ATG14: variants seen among roughly 807,000 people sequenced by gnomAD.
ATG14 encodes autophagy related 14, also known as beclin 1-associated autophagy-related key regulator.
ATG14 carries 35 observed loss-of-function variants against 60.4 expected under a neutral mutation model. The observed-to-expected ratio is 0.58, with a 90% CI of 0.44 to 0.77. The LOEUF is 0.77. ATG14 is among the 30% of genes least tolerant of loss of function. The pLI is 0.00. For synonymous variants in ATG14, 234 were observed against 228.8 expected (o/e 1.02, Z -0.21); for missense variants, 647 against 626.3 (o/e 1.03, Z -0.35).
chr14:55,383,066 C>G (rs1295608243), intron 5 of ATG14, among the ~76,000 whole-genome samples: 1 of 152,108 alleles, frequency 6.6e-6, no homozygotes, highest in East Asian at 1.9e-4. Context: ...ACAAAAAGAG[C>G]AGCTAGTTCA....
intron 1 of ATG14, among the ~76,000 whole-genome samples, chr14:55,401,833 A>C (rs1360060230): frequency 1.3e-5 from 2 of 152,170 alleles, no homozygotes; most frequent in Non-Finnish European, 2.9e-5. Flanking sequence ...CCAAGCTGAG[A>C]CCTGAGGGTG....
chr14:55,391,052 C>A, intron 3 of ATG14, 60 bp from the exon 4 acceptor site: 1 of 1,135,652 alleles, frequency 8.8e-7, no homozygotes, highest in Non-Finnish European at 1.3e-6. Flanking sequence ...ATATGATTAT[C>A]TACCTGGGAT....
At chr14:55,391,737 A>G (rs1053762361) in intron 3 of ATG14, among the ~76,000 whole-genome samples, 6 of 152,186 alleles carry the variant, frequency 3.9e-5, no homozygotes, top group African/African-American at 1.4e-4. Flanking sequence ...GCAGATACAG[A>G]ACTCAAGCAT....
chr14:55,386,153 C>G (rs1885122910), intron 4 of ATG14, 57 bp from the exon 5 acceptor site: 1 of 1,399,402 alleles, frequency 7.1e-7, no homozygotes, highest in African/African-American at 1.4e-5. Context: ...CTGTGTACTG[C>G]AGAGCTCCAC....
At chr14:55,377,583 A>C (rs920192555) in intron 9 of ATG14, among the ~76,000 whole-genome samples, 2 of 152,190 alleles carry the variant, frequency 1.3e-5, no homozygotes, top group Admixed American at 1.3e-4. Context: ...GGGTTCTTCA[A>C]CTGCGCTTCA....
At position 55,382,194 on chromosome 14, in the gene ATG14, A is replaced by C; in HGVS notation, c.648-3T>G. 1 of 1,613,966 alleles carries C rather than the reference A, an allele frequency of 6.2e-7. No homozygotes were observed. The highest frequency in any genetic ancestry group is 8.5e-7 in the Non-Finnish European group (1 of 1,179,842). On this transcript the variant is annotated splice_polypyrimidine_tract_variant and splice_region_variant and intron_variant, in intron 5 of 9. Transcript: ENST00000247178. ...CTGAAGACACATCTGCGGGGTCTCT[A>C]CAAGTAGGAAGACACACACGGATTT...
chr14:55,385,971 T>C lies in ATG14; in HGVS notation c.535A>G (p.Lys179Glu). ...TAATGACTTCTTAAGTCAATGGTCT[T>C]TTTTTCTACCAGGTCACCAAGTTTG... ...NRKLGDLVEK[K>E]TIDLRSHYER... Residue 179 changes from lysine (K) to glutamate (E), a missense_variant, in exon 5 of 10, where the codon AAG becomes GAG. Lys to Glu is a moderately conservative substitution (Grantham distance 56, BLOSUM62 1). Transcript: ENST00000247178. 6.2e-7 allele frequency: 1 copy of C among 1,614,162 alleles called. No individual in the cohort carries two copies. The highest frequency in any genetic ancestry group is 8.5e-7 in the Non-Finnish European group (1 of 1,180,036).
chr14:55,380,828 C>T, intron 6 of ATG14, 138 bp from the exon 7 acceptor site: 1 of 324,362 alleles, frequency 3.1e-6, no homozygotes, highest in Admixed American at 4.8e-5. Flanking sequence ...GCTCCATGAC[C>T]AGACATAAAT....
At chr14:55,390,363 G>C (rs868015798) in intron 4 of ATG14, among the ~76,000 whole-genome samples, 1 of 151,796 alleles carries the variant, frequency 6.6e-6, no homozygotes, top group Non-Finnish European at 1.5e-5. Flanking sequence ...AAGCCACCGT[G>C]CCTGGCCAAC....
chr14:55,411,011 A>C (rs1409179654), intron 1 of ATG14, among the ~76,000 whole-genome samples: 2 of 152,238 alleles, frequency 1.3e-5, no homozygotes, highest in Non-Finnish European at 2.9e-5. Context: ...ATTTTAAAAC[A>C]AGGCCAAAAC....
chr14:55,374,668 A>C (rs554563071), intron 9 of ATG14, among the ~76,000 whole-genome samples: 1 of 152,274 alleles, frequency 6.6e-6, no homozygotes, highest in South Asian at 2.1e-4. Context: ...TTTTTAAATA[A>C]GGTTTTTTAT....
intron 1 of ATG14, among the ~76,000 whole-genome samples, chr14:55,411,216 T>C (rs1020330096): frequency 1.3e-5 from 2 of 152,186 alleles, no homozygotes; most frequent in African/African-American, 4.8e-5. Context: ...AGAGAATGAG[T>C]ATAAATATGC....
In ATG14 at chr14:55,373,317, A is replaced by C. The variant is rs1884857885; in HGVS notation, c.1173-3392T>G. 3.9e-5 allele frequency among the ~76,000 whole-genome samples: 6 copies of C among 152,218 alleles called. No homozygotes were observed. In the South Asian group the frequency reaches 1.0e-3, roughly 26 times the overall value. On this transcript the variant is annotated intron_variant, in intron 9 of 9. Transcript: ENST00000247178. ...CAAAAGGATCTTTCTAGCTTTGTAA[A>C]AGTCACTTTTATAATATATCCTATT...
intron 3 of ATG14, among the ~76,000 whole-genome samples, chr14:55,394,464 C>A (rs1289076480): frequency 6.6e-6 from 1 of 152,190 alleles, no homozygotes; most frequent in Admixed American, 6.6e-5. Flanking sequence ...AGCTTAAAAT[C>A]TGGAAGCAAA....
intron 1 of ATG14, 95 bp downstream of exon 1, chr14:55,411,507 G>C (rs1284093841): frequency 8.1e-7 from 1 of 1,228,992 alleles, no homozygotes; most frequent in Non-Finnish European, 1.1e-6. Context: ...GCTGGTATCT[G>C]GTGCCCGGAC....
intron 3 of ATG14, chr14:55,394,971 C>A: frequency 2.4e-6 from 1 of 424,710 alleles, no homozygotes; most frequent in Non-Finnish European, 4.6e-6. Flanking sequence ...ACTGACACTT[C>A]AAAGGGGCTC....
intron 3 of ATG14, among the ~76,000 whole-genome samples, chr14:55,393,336 G>T (rs1009390110): frequency 6.6e-6 from 1 of 151,806 alleles, no homozygotes; most frequent in Non-Finnish European, 1.5e-5. Context: ...AGTGAGCCGA[G>T]ATCGCGCCAC....
chr14:55,378,131 A>ACATAG, intron 7 of ATG14, 57 bp from the exon 8 acceptor site: 1 of 1,477,310 alleles, frequency 6.8e-7, no homozygotes. Flanking sequence ...TTCTATGTTA[A>ACATAG]AATTTCCATT....
intron 7 of ATG14, among the ~76,000 whole-genome samples, chr14:55,378,550 T>G (rs1437307973): frequency 6.6e-6 from 1 of 152,196 alleles, no homozygotes; most frequent in Non-Finnish European, 1.5e-5. Flanking sequence ...GCAACTGCCA[T>G]TCTTTTTACC....
Sources: allele counts gnomAD v4.1 joint callset (sites outside exome capture counted in the v4.1 genomes callset), GRCh38; gene constraint gnomAD v4.1.1; transcripts MANE v1.5; gene names NCBI Gene and HGNC (gene_info 2026-07-23, HGNC 2026-07-21).